The following TMEM167A variants were observed in gnomAD, a reference collection of about 807,000 sequenced individuals.
The protein encoded by TMEM167A is transmembrane protein 167A.
In TMEM167A, 8 loss-of-function variants were observed where a neutral mutation model predicts 11.6. The observed-to-expected ratio is 0.69, with a 90% confidence interval of 0.40 to 1.24. TMEM167A has a LOEUF of 1.24. TMEM167A is among the 50% of genes most tolerant of loss of function. The pLI is 0.01. For missense variants in TMEM167A, 62 were observed against 87.0 expected, an observed-to-expected ratio of 0.71 and a Z score of 1.14; for synonymous variants, 22 against 28.0, an observed-to-expected ratio of 0.79 and a Z score of 0.67.
At chr5:83,062,259 A>T (rs1468963049) in intron 2 of TMEM167A, among the ~76,000 whole-genome samples, 1 of 152,204 alleles carries the variant, frequency 6.6e-6, no homozygotes, top group African/African-American at 2.4e-5. Flanking sequence ...ATGGCAATTT[A>T]AGCATCAATT....
At chr5:83,064,374 T>G in intron 2 of TMEM167A, 3 of 517,308 alleles carry the variant, frequency 5.8e-6, no homozygotes, top group South Asian at 4.2e-5. Flanking sequence ...CGTGATAGCA[T>G]AGGGAAAGTA....
rs1477768096 is a variant in TMEM167A, at chr5:83,061,177, G to T, written c.148+700C>A. ...TGTTATTTAAATAGGGCAATAAAGTGATTATGTTCAGATAGCTGCTCAGAA... is the reference window on the plus strand; with the variant it reads ...TGTTATTTAAATAGGGCAATAAAGTTATTATGTTCAGATAGCTGCTCAGAA... On this transcript the variant is annotated intron_variant, in intron 3 of 3. Transcript: ENST00000502346. Among the ~76,000 whole-genome samples, 3 of 152,144 alleles carry T rather than the reference G, an allele frequency of 2.0e-5. No homozygotes were observed. The East Asian group carries it at 5.8e-4, about 29-fold the overall frequency.
chr5:83,066,784 A>G (rs1280699011), intron 1 of TMEM167A, among the ~76,000 whole-genome samples: 2 of 150,588 alleles, frequency 1.3e-5, no homozygotes. Flanking sequence ...TAGATCTCCC[A>G]TGAATGTCAG....
rs375635220 is a variant in TMEM167A at position 83,053,257 on chromosome 5, G to GT, written c.*3826dup. ...ACTTCTCAAAGGCTTTGCAAAAAGC[G>GT]TAAGTCCTTGCTTTTTGAGAATTTT... is the stretch of plus-strand genomic sequence containing the variant. On this transcript the variant is annotated 3_prime_UTR_variant, in exon 4 of 4. Coordinates refer to ENST00000502346, the MANE Select transcript of TMEM167A (RefSeq NM_174909.5). 72 of 152,016 alleles carry GT rather than the reference G, an allele frequency of 4.7e-4. No individual in the cohort carries two copies. The East Asian group carries it at 0.012, about 24-fold the overall frequency. 9.4% of individuals were successfully genotyped at this position (152,016 alleles called of 1,614,324 possible).
At chr5:83,068,245 T>C (rs769422161) in intron 1 of TMEM167A, among the ~76,000 whole-genome samples, 1 of 152,062 alleles carries the variant, frequency 6.6e-6, no homozygotes, top group Admixed American at 6.5e-5. Flanking sequence ...AATGAGGCAG[T>C]GGGGATTAAA....
At chr5:83,060,603 G>A (rs936416313) in intron 3 of TMEM167A, among the ~76,000 whole-genome samples, 3 of 151,754 alleles carry the variant, frequency 2.0e-5, no homozygotes, top group Admixed American at 6.6e-5. Flanking sequence ...AGGCCGAGGC[G>A]GGCGGATCAC....
rs1318019044 is a variant in TMEM167A at position 83,053,691 on chromosome 5, G to C, written c.*3393C>G. On this transcript the variant is annotated 3_prime_UTR_variant, in exon 4 of 4. Coordinates refer to ENST00000502346, the MANE Select transcript of TMEM167A (RefSeq NM_174909.5). ...TCTAGGCTTATGTCTTAATACTCCCGAAGTGGCACAAGCTAGGTTATTTCT... is the reference window on the plus strand; with the variant it reads ...TCTAGGCTTATGTCTTAATACTCCCCAAGTGGCACAAGCTAGGTTATTTCT... 18 of 151,930 alleles carry C rather than the reference G, an allele frequency of 1.2e-4. No homozygotes were observed. Among genetic ancestry groups the C allele is most frequent in the African/African-American group, 4.1e-4 (17 of 41,386 alleles). 9.4% of individuals were successfully genotyped at this position (151,930 alleles called of 1,614,324 possible). A position where few individuals can be genotyped will look rare whatever the true frequency, so the allele number is the denominator to read the frequency against.
chr5:83,056,651 A>C lies in TMEM167A; in HGVS notation c.*433T>G, dbSNP rs1329419824. 4 of 223,014 alleles carry C rather than the reference A, an allele frequency of 1.8e-5. No individual in the cohort carries two copies. In the Admixed American group the frequency reaches 2.4e-4, roughly 13 times the overall value. The allele number at this position is 223,014 out of a possible 1,614,324, so 13.8% of individuals were successfully genotyped here. On this transcript the variant is annotated 3_prime_UTR_variant, in exon 4 of 4. Coordinates refer to ENST00000502346, the MANE Select transcript of TMEM167A (RefSeq NM_174909.5). ...AGCAAGCACTATTAAATATTAATGCAATCCTTATCAACACAAATTGAGCCA... is the reference window on the plus strand; with the variant it reads ...AGCAAGCACTATTAAATATTAATGCCATCCTTATCAACACAAATTGAGCCA...
intron 1 of TMEM167A, among the ~76,000 whole-genome samples, chr5:83,075,619 C>A (rs1744632851): frequency 6.6e-6 from 1 of 151,938 alleles, no homozygotes; most frequent in East Asian, 1.9e-4. Context: ...GTTGTGCACG[C>A]CTGTAGTCCC....
chr5:83,065,047 C>A lies in TMEM167A; in HGVS notation c.74G>T (p.Arg25Leu). The change falls in exon 2 of 4, where the codon CGA (arginine) becomes CTA (leucine). Residue 25 changes from arginine (R) to leucine (L), a missense_variant. Arg to Leu is a moderately radical substitution (Grantham distance 102). Transcript: ENST00000502346. ...LLLICTCAYI[R>L]SLAPSLLDRN... ...GTCCAGGAGGCTGGGTGCCAAGGAT[C>A]GAATATAAGCACAGGTACATATAAG... 6.2e-7 allele frequency: 1 copy of A among 1,604,708 alleles called. No individual in the cohort carries two copies. The highest frequency in any genetic ancestry group is 1.1e-5 in the South Asian group (1 of 89,476).
intron 3 of TMEM167A, among the ~76,000 whole-genome samples, chr5:83,059,187 A>G (rs1042065626): frequency 2.6e-5 from 4 of 151,528 alleles, no homozygotes; most frequent in African/African-American, 9.7e-5. Flanking sequence ...AAAGGACACT[A>G]GACACTATTT....
At chr5:83,062,911 T>C (rs1744427466) in intron 2 of TMEM167A, among the ~76,000 whole-genome samples, 1 of 151,356 alleles carries the variant, frequency 6.6e-6, no homozygotes, top group African/African-American at 2.4e-5. Context: ...TCTGAATGGG[T>C]AAGACTAACA....
chr5:83,063,833 A>G (rs1183581088), intron 2 of TMEM167A, among the ~76,000 whole-genome samples: 1 of 152,100 alleles, frequency 6.6e-6, no homozygotes, highest in African/African-American at 2.4e-5. Context: ...CAGGATAAAG[A>G]CCATGTAGTA....
chr5:83,073,847 C>T (rs1290425376), intron 1 of TMEM167A, among the ~76,000 whole-genome samples: 5 of 152,226 alleles, frequency 3.3e-5, no homozygotes, highest in Non-Finnish European at 5.9e-5. Context: ...TGCTTCATCA[C>T]CCTTCATTAA....
chr5:83,058,098 A>G (rs1194595882), intron 3 of TMEM167A, among the ~76,000 whole-genome samples: 1 of 152,054 alleles, frequency 6.6e-6, no homozygotes, highest in African/African-American at 2.4e-5. Context: ...GTGCTTTTCC[A>G]TGATGTTTAA....
rs1744279215 is a variant in TMEM167A, at chr5:83,052,910, A to G, written c.*4174T>C. ...TATGAACTAATCAGAGATGTGCATGATTCTCTGTACTCTTAAAATCACAGG... is the reference window on the plus strand; with the variant it reads ...TATGAACTAATCAGAGATGTGCATGGTTCTCTGTACTCTTAAAATCACAGG... On this transcript the variant is annotated 3_prime_UTR_variant, in exon 4 of 4. Coordinates refer to ENST00000502346, the MANE Select transcript of TMEM167A (RefSeq NM_174909.5). 6.6e-6 allele frequency: 1 copy of G among 151,920 alleles called. No individual in the cohort carries two copies. Among genetic ancestry groups the G allele is most frequent in the Admixed American group, 6.6e-5 (1 of 15,214 alleles). 9.4% of individuals were successfully genotyped at this position (151,920 alleles called of 1,614,324 possible).
rs1317776978 is a variant in TMEM167A, at chr5:83,055,563, A to G, written c.*1521T>C. 1.3e-5 allele frequency: 2 copies of G among 151,960 alleles called. No homozygotes were observed. Among genetic ancestry groups the G allele is most frequent in the Non-Finnish European group, 2.9e-5 (2 of 67,906 alleles). 9.4% of individuals were successfully genotyped at this position (151,960 alleles called of 1,614,324 possible). A position where few individuals can be genotyped will look rare whatever the true frequency, so the allele number is the denominator to read the frequency against. On this transcript the variant is annotated 3_prime_UTR_variant, in exon 4 of 4. Coordinates refer to ENST00000502346, the MANE Select transcript of TMEM167A (RefSeq NM_174909.5). ...ACTGCCATAGACATGCCAAAAATAT[A>G]AAACCAAAACCAAACCAAAACAAAC...
At chr5:83,073,537 C>A (rs991971189) in intron 1 of TMEM167A, among the ~76,000 whole-genome samples, 5 of 152,172 alleles carry the variant, frequency 3.3e-5, no homozygotes, top group African/African-American at 1.2e-4. Context: ...AGATAGCTGG[C>A]TATTTGCTAT....
At chr5:83,071,845 T>A (rs1047888443) in intron 1 of TMEM167A, among the ~76,000 whole-genome samples, 6 of 152,096 alleles carry the variant, frequency 3.9e-5, no homozygotes, top group Non-Finnish European at 8.8e-5. Flanking sequence ...CACAAAATAT[T>A]TGGGTTAATG....
Sources: allele counts gnomAD v4.1 joint callset (sites outside exome capture counted in the v4.1 genomes callset), GRCh38; gene constraint gnomAD v4.1.1; transcripts MANE v1.5; gene names NCBI Gene and HGNC (gene_info 2026-07-23, HGNC 2026-07-21).